ICA1: variants seen among roughly 807,000 people sequenced by gnomAD.
ICA1 encodes islet cell autoantigen 1.
ICA1 carries 40 observed loss-of-function variants against 71.0 expected under a neutral mutation model. That is an observed-to-expected ratio of 0.56 (90% CI 0.44 to 0.73). The LOEUF (loss-of-function observed/expected upper bound fraction) is 0.73, where lower values mean the gene tolerates loss of function less well. Ranked by LOEUF, ICA1 falls within the 30% of genes least tolerant of loss-of-function variation. The pLI is 0.00. For synonymous variants in ICA1, 207 were observed against 209.5 expected, an observed-to-expected ratio of 0.99 and a Z score of 0.10; for missense variants, 578 against 576.5, an observed-to-expected ratio of 1.00 and a Z score of -0.03.
chr7:8,216,977 A>G (rs533277388), intron 6 of ICA1, among the ~76,000 whole-genome samples: 1 of 152,280 alleles, frequency 6.6e-6, no homozygotes, highest in Non-Finnish European at 1.5e-5. Flanking sequence ...AAAGTGCTAA[A>G]GACAAACCAA....
intron 1 of ICA1, among the ~76,000 whole-genome samples, chr7:8,247,737 A>G (rs1334437797): frequency 6.6e-6 from 1 of 152,200 alleles, no homozygotes; most frequent in Non-Finnish European, 1.5e-5. Context: ...TTCCACTGCA[A>G]TGAACGCTTG....
intron 6 of ICA1, among the ~76,000 whole-genome samples, chr7:8,166,426 T>C (rs1806014749): frequency 6.6e-6 from 1 of 152,208 alleles, no homozygotes; most frequent in South Asian, 2.1e-4. Flanking sequence ...GGTGCTGGGA[T>C]AACTGCTAGG....
intron 6 of ICA1, among the ~76,000 whole-genome samples, chr7:8,163,988 C>A (rs1226086610): frequency 6.6e-6 from 1 of 151,888 alleles, no homozygotes; most frequent in Non-Finnish European, 1.5e-5. Context: ...GGGAGATGGA[C>A]TGAAGGAGAG....
chr7:8,237,791 T>A (rs558244081), intron 1 of ICA1, among the ~76,000 whole-genome samples: 5 of 151,822 alleles, frequency 3.3e-5, no homozygotes, highest in Non-Finnish European at 7.4e-5. Context: ...CTGAATGATA[T>A]TGCATTGTAT....
In ICA1 at chr7:8,140,251, T is replaced by C. The variant is rs569524616; in HGVS notation, c.956-1204A>G. Among the ~76,000 whole-genome samples the C allele has an allele frequency of 4.6e-5, 7 of 152,322 alleles. No individual in the cohort carries two copies. In the South Asian group the frequency reaches 1.2e-3, roughly 27 times the overall value. On this transcript the variant is annotated intron_variant, in intron 10 of 13. Transcript: ENST00000402384. ...TGAGGCTGGAGAGCTTGCATCCATATAGACAGAGAGCTCTTCTGTGGCCAA... is the reference window on the plus strand; with the variant it reads ...TGAGGCTGGAGAGCTTGCATCCATACAGACAGAGAGCTCTTCTGTGGCCAA...
chr7:8,181,134 C>T (rs1289345257), intron 6 of ICA1, among the ~76,000 whole-genome samples: 3 of 152,068 alleles, frequency 2.0e-5, no homozygotes, highest in African/African-American at 7.2e-5. Context: ...AGTCTATGAT[C>T]CAGCCCTAGT....
At chr7:8,128,821 C>T (rs1231784293) in intron 12 of ICA1, among the ~76,000 whole-genome samples, 1 of 152,028 alleles carries the variant, frequency 6.6e-6, no homozygotes, top group Admixed American at 6.5e-5. Flanking sequence ...AGACACAGTT[C>T]GAGGGGCGTT....
intron 1 of ICA1, among the ~76,000 whole-genome samples, chr7:8,250,445 C>A (rs1807763569): frequency 6.6e-6 from 1 of 152,132 alleles, no homozygotes; most frequent in Non-Finnish European, 1.5e-5. Context: ...TTTTCAAAAG[C>A]TAGGTATTAA....
chr7:8,232,516 C>G, intron 3 of ICA1, 74 bp downstream of exon 3: 1 of 1,274,200 alleles, frequency 7.8e-7, no homozygotes, highest in Non-Finnish European at 1.0e-6. Flanking sequence ...CCAGCTCTGC[C>G]TCAGTGAGTA....
intron 6 of ICA1, among the ~76,000 whole-genome samples, chr7:8,202,398 C>A (rs1452216969): frequency 6.6e-6 from 1 of 152,062 alleles, no homozygotes; most frequent in Non-Finnish European, 1.5e-5. Flanking sequence ...TTTAACGAGC[C>A]CATTCATGTA....
intron 1 of ICA1, among the ~76,000 whole-genome samples, chr7:8,238,118 T>A (rs1276555461): frequency 6.6e-6 from 1 of 152,234 alleles, no homozygotes; most frequent in Non-Finnish European, 1.5e-5. Flanking sequence ...GAGGTCTTAA[T>A]GTATCTCTCT....
intron 12 of ICA1, among the ~76,000 whole-genome samples, chr7:8,129,350 T>C (rs1300358186): frequency 1.3e-5 from 2 of 151,640 alleles, no homozygotes; most frequent in Admixed American, 6.6e-5. Flanking sequence ...ATGTATAAGA[T>C]AATTAGTAAG....
At chr7:8,160,392 G>A (rs907020717) in intron 6 of ICA1, among the ~76,000 whole-genome samples, 21 of 152,146 alleles carry the variant, frequency 1.4e-4, no homozygotes, top group African/African-American at 4.8e-4. Flanking sequence ...TCTTACTGAT[G>A]AGGATTGCGA....
intron 6 of ICA1, among the ~76,000 whole-genome samples, chr7:8,194,378 T>C (rs1407905693): frequency 6.6e-6 from 1 of 152,204 alleles, no homozygotes; most frequent in Non-Finnish European, 1.5e-5. Context: ...ATTTATAAAA[T>C]AAAAGACGTT....
chr7:8,152,586 A>ATCACCACTACCC (rs1799299307), intron 8 of ICA1, among the ~76,000 whole-genome samples: 1 of 141,744 alleles, frequency 7.1e-6, no homozygotes, highest in Non-Finnish European at 1.6e-5. Flanking sequence ...CATCTCCTTC[A>ATCACCACTACCC]CCACCACTAC....
At chr7:8,235,028 G>C (rs1801408286) in intron 2 of ICA1, among the ~76,000 whole-genome samples, 2 of 152,166 alleles carry the variant, frequency 1.3e-5, no homozygotes, top group Admixed American at 1.3e-4. Context: ...GCCAGGCGTG[G>C]TGGCACATGC....
intron 12 of ICA1, among the ~76,000 whole-genome samples, chr7:8,131,748 A>G (rs529916529): frequency 3.3e-4 from 50 of 152,366 alleles, no homozygotes; most frequent in African/African-American, 1.1e-3. Flanking sequence ...GTCTGTAACC[A>G]GACAAGTTGA....
At chr7:8,141,854 C>T (rs781023064) in intron 9 of ICA1, 37 bp from the exon 10 acceptor site, 9 of 1,450,844 alleles carry the variant, frequency 6.2e-6, no homozygotes, top group Middle Eastern at 3.5e-4. Context: ...TCAACTTCTA[C>T]CAATGTTATA....
At chr7:8,228,943 C>A (rs913232494) in intron 3 of ICA1, among the ~76,000 whole-genome samples, 2 of 152,080 alleles carry the variant, frequency 1.3e-5, no homozygotes, top group African/African-American at 4.8e-5. Context: ...GAAATAATAG[C>A]TGAAAAACAA....
Sources: gnomAD v4.1 joint callset for allele counts (sites outside exome capture counted in the v4.1 genomes callset) on GRCh38, gnomAD v4.1.1 for gene constraint, MANE v1.5 for transcripts, NCBI Gene and HGNC (gene_info 2026-07-23, HGNC 2026-07-21) for gene names.